Variants in MADCAM1 observed in about 807,000 individuals in gnomAD.
The protein encoded by MADCAM1 is mucosal vascular addressin cell adhesion molecule 1.
MADCAM1 carries 19 observed loss-of-function variants against 26.1 expected under a neutral mutation model. The observed-to-expected ratio is 0.73, with a 90% CI of 0.51 to 1.07. The LOEUF is 1.07. Ranked by LOEUF, MADCAM1 falls within the 50% of genes least tolerant of loss-of-function variation. The probability of loss-of-function intolerance (pLI) is 0.00; values close to 1 mark genes in which losing one functional copy is unlikely to be tolerated. For missense variants in MADCAM1, 514 were observed against 542.1 expected (o/e 0.95, Z 0.51); for synonymous variants, 268 against 260.9 (o/e 1.03, Z -0.26).
intron 1 of MADCAM1, among the ~76,000 whole-genome samples, chr19:497,037 G>T (rs1443737150): frequency 1.8e-3 from 20 of 11,132 alleles, no homozygotes; most frequent in African/African-American, 0.011. Context: ...TAGAGTGGGG[G>T]GGCTCAGGAG....
chr19:503,243 C>T (rs906423640), intron 4 of MADCAM1, among the ~76,000 whole-genome samples: 30 of 151,952 alleles, frequency 2.0e-4, no homozygotes, highest in African/African-American at 6.8e-4. Flanking sequence ...GCCGAGATCG[C>T]GCCACTGCAC....
chr19:498,834 G>A lies in MADCAM1; in HGVS notation c.667+9G>A, dbSNP rs1399280682. On this transcript the variant is annotated intron_variant, in intron 3 of 4. Coordinates refer to ENST00000215637, the MANE Select transcript of MADCAM1 (RefSeq NM_130760.3). Reference sequence around the variant, plus strand: ...CCGCCAGGCCATCCCCGGTGAGTCCGCTGGGTGCCCTGGAGACCCACCCGC... The same window carrying A: ...CCGCCAGGCCATCCCCGGTGAGTCCACTGGGTGCCCTGGAGACCCACCCGC... 5.3e-6 allele frequency: 8 copies of A among 1,496,752 alleles called. No homozygotes were observed. The Admixed American group carries it at 1.4e-4, about 26-fold the overall frequency. 92.7% of individuals were successfully genotyped at this position (1,496,752 alleles called of 1,614,324 possible).
Position 497,875 on chromosome 19 carries a change from A to C in MADCAM1, c.95A>C (p.Glu32Ala), listed in dbSNP as rs1323600100. 1.0e-5 allele frequency: 14 copies of C among 1,347,878 alleles called. No individual in the cohort carries two copies. Among genetic ancestry groups the C allele is most frequent in the Non-Finnish European group, 1.1e-5 (12 of 1,057,896 alleles). The allele number at this position is 1,347,878 out of a possible 1,614,324, so 83.5% of individuals were successfully genotyped here. A position where few individuals can be genotyped will look rare whatever the true frequency, so the allele number is the denominator to read the frequency against. The change falls in exon 2 of 5, where the codon GAG (glutamate) becomes GCG (alanine). Residue 32 changes from glutamate to alanine, a missense_variant. By Grantham distance (107) the Glu-to-Ala change is moderately radical. Transcript: ENST00000215637. ...QVKPLQVEPP[E>A]PVVAVALGAS... ...AAGCCCCTGCAGGTGGAGCCCCCGG[A>C]GCCGGTGGTGGCCGTGGCCTTGGGC...
chr19:504,600 A>C, intron 4 of MADCAM1, 145 bp from the exon 5 acceptor site: 1 of 634,336 alleles, frequency 1.6e-6, no homozygotes. Context: ...TGCGCATTTC[A>C]AAAGGGTCAT....
At position 498,011 on chromosome 19, in the gene MADCAM1, C is replaced by T. The variant is rs1192946838; in HGVS notation, c.231C>T (p.Ser77=). 4.0e-6 allele frequency: 6 copies of T among 1,503,346 alleles called. No homozygotes were observed. The highest frequency in any genetic ancestry group is 2.1e-5 in the Admixed American group (1 of 47,824). 93.1% of individuals were successfully genotyped at this position (1,503,346 alleles called of 1,614,324 possible). A position where few individuals can be genotyped will look rare whatever the true frequency, so the allele number is the denominator to read the frequency against. ...LGAVQSDTGR[S]VLTVRNASLS... The stretch of plus-strand genomic sequence containing the variant: ...CGGTGCAGTCGGACACGGGCCGCAG[C>T]GTCCTCACCGTGCGCAACGCCTCGC... Residue 77 remains serine, a synonymous_variant, in exon 2 of 5, where the codon AGC becomes AGT. Transcript: ENST00000215637.
intron 2 of MADCAM1, 102 bp from the exon 3 acceptor site, chr19:498,394 C>A: frequency 1.6e-6 from 2 of 1,234,220 alleles, no homozygotes; most frequent in African/African-American, 1.6e-5. Context: ...GCAGCCCCCA[C>A]GCATCCTTGG....
At position 498,693 on chromosome 19, in the gene MADCAM1, G is replaced by T; in HGVS notation, c.535G>T (p.Glu179Ter). The change falls in exon 3 of 5, where the codon GAG becomes TAG. Residue 179 changes from glutamate (E) to a stop codon, truncating the protein, a stop_gained. Transcript: ENST00000215637. LOFTEE classifies it high-confidence loss of function. ...QEEEEEPQGD[E>*]DVLFRVTERW... ...GGAGGAGGAGGAGCCCCAGGGGGAC[G>T]AGGACGTGCTGTTCAGGGTGACAGA... 2 of 1,446,818 alleles carry T rather than the reference G, an allele frequency of 1.4e-6. No homozygotes were observed. Among genetic ancestry groups the T allele is most frequent in the Non-Finnish European group, 9.1e-7 (1 of 1,103,656 alleles). The allele number at this position is 1,446,818 out of a possible 1,614,324, so 89.6% of individuals were successfully genotyped here. A position where few individuals can be genotyped will look rare whatever the true frequency, so the allele number is the denominator to read the frequency against.
At chr19:500,880 AC>A (rs1568317567) in intron 3 of MADCAM1, among the ~76,000 whole-genome samples, 1 of 152,028 alleles carries the variant, frequency 6.6e-6, no homozygotes. Flanking sequence ...AACAACAACA[AC>A]AAATTCTAGG....
chr19:504,777 G>A lies in MADCAM1; in HGVS notation c.961G>A (p.Ala321Thr). The A allele has an allele frequency of 6.2e-7, 1 of 1,609,414 alleles. No homozygotes were observed. The highest frequency in any genetic ancestry group is 8.5e-7 in the Non-Finnish European group (1 of 1,176,992). Residue 321 changes from alanine to threonine, a missense_variant, in exon 5 of 5, where the codon GCT becomes ACT. Transcript: ENST00000215637. ...ACCTGCGGGTGACCAGCTGCCCGCG[G>A]CTCTGTGGACCAGCAGTGCGGTGCT... ...SKPAGDQLPAALWTSSAVLGL... is the reference protein window; with the variant it reads ...SKPAGDQLPATLWTSSAVLGL...
At position 498,582 on chromosome 19, in the gene MADCAM1, G is replaced by A. The variant is rs762610866; in HGVS notation, c.424G>A (p.Val142Met). 3.4e-6 allele frequency: 5 copies of A among 1,482,904 alleles called. No homozygotes were observed. Among genetic ancestry groups the A allele is most frequent in the Non-Finnish European group, 3.6e-6 (4 of 1,120,884 alleles). The allele number at this position is 1,482,904 out of a possible 1,614,324, so 91.9% of individuals were successfully genotyped here. Residue 142 changes from valine to methionine, a missense_variant, in exon 3 of 5, where the codon GTG becomes ATG. Transcript: ENST00000215637. ...VACTAHKVTP[V>M]DPNALSFSLL... ...CTGTACGGCCCACAAAGTCACGCCC[G>A]TGGACCCCAACGCGCTCTCCTTCTC...
chr19:498,792 G>A lies in MADCAM1; in HGVS notation c.634G>A (p.Gly212Ser), dbSNP rs1978300787. The change falls in exon 3 of 5, where the codon GGC (glycine) becomes AGC (serine). Residue 212 changes from glycine (G) to serine (S), a missense_variant. Physicochemically the swap from Gly to Ser is moderately conservative, Grantham distance 56. This residue lies in a region of MADCAM1 where 317 missense variants were observed against 313.6 expected (regional missense o/e 1.01). Coordinates refer to ENST00000215637, the MANE Select transcript of MADCAM1 (RefSeq NM_130760.3). The stretch of plus-strand genomic sequence containing the variant: ...CTGCCAGGCCACGATGAGGCTGCCT[G>A]GCTTGGAGCTCAGCCACCGCCAGGC... ...LYCQATMRLP[G>S]LELSHRQAIP... 6.6e-7 allele frequency: 1 copy of A among 1,508,868 alleles called. No individual in the cohort carries two copies. The highest frequency in any genetic ancestry group is 8.8e-7 in the Non-Finnish European group (1 of 1,138,966). 93.5% of individuals were successfully genotyped at this position (1,508,868 alleles called of 1,614,324 possible). A position where few individuals can be genotyped will look rare whatever the true frequency, so the allele number is the denominator to read the frequency against.
At position 501,865 on chromosome 19, in the gene MADCAM1, C is replaced by T. The variant is rs369284078; in HGVS notation, c.864C>T (p.Thr288=). ...ACACCCCCAGGAGCCCAGGCTCCAC[C>T]AGGACTCGCCGCCCTGAGATCTCCC... ...STHTPRSPGS[T]RTRRPEISQA... Residue 288 remains threonine (T), a synonymous_variant, in exon 4 of 5, where the codon ACC becomes ACT. Transcript: ENST00000215637. The T allele has an allele frequency of 1.3e-6, 2 of 1,557,330 alleles. No homozygotes were observed. The highest frequency in any genetic ancestry group is 1.9e-5 in the Admixed American group (1 of 51,574).
Position 498,738 on chromosome 19 carries a change from C to T in MADCAM1, c.580C>T (p.Leu194=), listed in dbSNP as rs761245758. Residue 194 remains leucine (L), a synonymous_variant, in exon 3 of 5, where the codon CTG becomes TTG. Coordinates refer to ENST00000215637, the MANE Select transcript of MADCAM1 (RefSeq NM_130760.3). ...GACAGAGCGCTGGCGGCTGCCGCCC[C>T]TGGGGACCCCTGTCCCGCCCGCCCT... ...RVTERWRLPP[L]GTPVPPALYC... The T allele has an allele frequency of 4.1e-6, 6 of 1,463,900 alleles. No individual in the cohort carries two copies. The highest frequency in any genetic ancestry group is 5.4e-6 in the Non-Finnish European group (6 of 1,114,300). 90.7% of individuals were successfully genotyped at this position (1,463,900 alleles called of 1,614,324 possible). A position where few individuals can be genotyped will look rare whatever the true frequency, so the allele number is the denominator to read the frequency against.
rs1259255698 is a variant in MADCAM1 at position 498,152 on chromosome 19, C to G, written c.337+35C>G. The G allele has an allele frequency of 3.8e-6, 5 of 1,302,774 alleles. No individual in the cohort carries two copies. The East Asian group carries it at 1.3e-4, about 33-fold the overall frequency. 80.7% of individuals were successfully genotyped at this position (1,302,774 alleles called of 1,614,324 possible). A position where few individuals can be genotyped will look rare whatever the true frequency, so the allele number is the denominator to read the frequency against. ...CCCCCCGCGCCCTGCCTCTCTGACC[C>G]TTGGACTCCCGGCTCCTTCCCTATG... On this transcript the variant is annotated intron_variant, in intron 2 of 4. Coordinates refer to ENST00000215637, the MANE Select transcript of MADCAM1 (RefSeq NM_130760.3).
At position 497,858 on chromosome 19, in the gene MADCAM1, G is replaced by A; in HGVS notation, c.78G>A (p.Leu26=). The A allele has an allele frequency of 7.5e-7, 1 of 1,334,580 alleles. No individual in the cohort carries two copies. The highest frequency in any genetic ancestry group is 9.5e-7 in the Non-Finnish European group (1 of 1,050,316). 82.7% of individuals were successfully genotyped at this position (1,334,580 alleles called of 1,614,324 possible). A position where few individuals can be genotyped will look rare whatever the true frequency, so the allele number is the denominator to read the frequency against. The stretch of plus-strand genomic sequence containing the variant: ...GCCAGTCCCTCCAGGTGAAGCCCCT[G>A]CAGGTGGAGCCCCCGGAGCCGGTGG... ...LLGQSLQVKP[L]QVEPPEPVVA... is the part of the protein sequence containing the mutation. Residue 26 remains leucine (L), a synonymous_variant, in exon 2 of 5, where the codon CTG becomes CTA. Transcript: ENST00000215637.
chr19:497,682 T>G, intron 1 of MADCAM1, 151 bp from the exon 2 acceptor site: 1 of 549,132 alleles, frequency 1.8e-6, no homozygotes, highest in Non-Finnish European at 2.6e-6. Context: ...GGAGTCCGGG[T>G]AGCGGCGGGG....
In MADCAM1 at chr19:501,876, G is replaced by A. The variant is rs200332335; in HGVS notation, c.875G>A (p.Arg292His). ...AGCCCAGGCTCCACCAGGACTCGCC[G>A]CCCTGAGATCTCCCAGGCTGGGCCC... ...PRSPGSTRTR[R>H]PEISQAGPTQ... The change falls in exon 4 of 5, where the codon CGC (arginine) becomes CAC (histidine). Residue 292 changes from arginine to histidine, a missense_variant. Around this residue, in one of 3 missense-constraint regions of MADCAM1, gnomAD observed 152 missense variants for 136.7 expected, o/e 1.11. Coordinates refer to ENST00000215637, the MANE Select transcript of MADCAM1 (RefSeq NM_130760.3). 9.7e-4 allele frequency: 1,496 copies of A among 1,549,374 alleles called. 10 individuals carry two copies. The highest frequency in any genetic ancestry group is 8.7e-3 in the South Asian group (736 of 84,304).
chr19:501,999 T>C (rs1472125188), intron 4 of MADCAM1, 70 bp downstream of exon 4: 7 of 1,379,664 alleles, frequency 5.1e-6, no homozygotes, highest in Non-Finnish European at 6.6e-6. Flanking sequence ...GGATGAAGAC[T>C]TTAGACAAGA....
rs1600393850 is a variant in MADCAM1 at position 504,946 on chromosome 19, T to A, written c.1130T>A (p.Val377Asp). The A allele has an allele frequency of 6.3e-7, 1 of 1,599,360 alleles. No individual in the cohort carries two copies. Among genetic ancestry groups the A allele is most frequent in the African/African-American group, 1.3e-5 (1 of 74,698 alleles). Residue 377 changes from valine to aspartate, a missense_variant, in exon 5 of 5, where the codon GTC becomes GAC. Val to Asp is a radical substitution (Grantham distance 152). Around this residue, in one of 3 missense-constraint regions of MADCAM1, gnomAD observed 152 missense variants for 136.7 expected, o/e 1.11. Coordinates refer to ENST00000215637, the MANE Select transcript of MADCAM1 (RefSeq NM_130760.3). ...AWAGLRGTGQ[V>D]GISPS ...GCTGGGTTAAGGGGGACCGGCCAGGTCGGGATCAGCCCCTCCTGAGTGGCC... is the reference window on the plus strand; with the variant it reads ...GCTGGGTTAAGGGGGACCGGCCAGGACGGGATCAGCCCCTCCTGAGTGGCC...
Sources: allele counts gnomAD v4.1 joint callset (sites outside exome capture counted in the v4.1 genomes callset), GRCh38; gene constraint gnomAD v4.1.1; regional missense constraint gnomAD v4.1.1; transcripts MANE v1.5; gene names NCBI Gene and HGNC (gene_info 2026-07-23, HGNC 2026-07-21).